CTNNA2: variants seen among roughly 807,000 people sequenced by gnomAD.
CTNNA2 encodes the protein catenin alpha 2.
In CTNNA2, 42 loss-of-function variants were observed where a neutral mutation model predicts 101.0. That is an observed-to-expected ratio of 0.42 (90% CI 0.32 to 0.54). The LOEUF is 0.54. Ranked by LOEUF, CTNNA2 falls within the 20% of genes least tolerant of loss-of-function variation. The pLI is 0.14. For synonymous variants in CTNNA2, 450 were observed against 456.4 expected, an observed-to-expected ratio of 0.99 and a Z score of 0.18; for missense variants, 871 against 1,223.1, an observed-to-expected ratio of 0.71 and a Z score of 4.29.
At chr2:79,528,725 C>G (rs1213113519) in intron 1 of CTNNA2, among the ~76,000 whole-genome samples, 1 of 152,076 alleles carries the variant, frequency 6.6e-6, no homozygotes, top group Non-Finnish European at 1.5e-5. Flanking sequence ...TACAATTGTA[C>G]TATGTTCATA....
chr2:79,520,525 A>G (rs1672047178), intron 1 of CTNNA2, among the ~76,000 whole-genome samples: 1 of 152,194 alleles, frequency 6.6e-6, no homozygotes, highest in Admixed American at 6.5e-5. Flanking sequence ...TCAAAGTTAA[A>G]GAAAGAAGTT....
chr2:79,398,399 C>T (rs2104478391), intron 4 of CTNNA2, among the ~76,000 whole-genome samples: 1 of 152,170 alleles, frequency 6.6e-6, no homozygotes, highest in East Asian at 1.9e-4. Context: ...TTCAGACAAA[C>T]TTTAAAAGTA....
At chr2:80,291,822 G>T (rs1018772209) in intron 7 of CTNNA2, among the ~76,000 whole-genome samples, 2 of 152,188 alleles carry the variant, frequency 1.3e-5, no homozygotes, top group African/African-American at 4.8e-5. Context: ...AGATGTGTGT[G>T]CACATGGCCA....
chr2:79,600,922 T>G (rs1677513393), intron 1 of CTNNA2, among the ~76,000 whole-genome samples: 2 of 152,108 alleles, frequency 1.3e-5, no homozygotes, highest in Non-Finnish European at 2.9e-5. Context: ...GGCTCTATCC[T>G]TATGATCTAA....
intron 9 of CTNNA2, among the ~76,000 whole-genome samples, chr2:80,508,681 A>G (rs1436305622): frequency 6.6e-6 from 1 of 152,066 alleles, no homozygotes; most frequent in African/African-American, 2.4e-5. Flanking sequence ...ATGCAAAAAA[A>G]AAAAAAAACA....
chr2:79,425,864 G>A (rs1382470269), intron 4 of CTNNA2, among the ~76,000 whole-genome samples: 2 of 152,046 alleles, frequency 1.3e-5, no homozygotes, highest in African/African-American at 2.4e-5. Context: ...TTTTTTGATA[G>A]TCTTCATCAT....
chr2:79,613,920 G>C (rs1427749282), intron 1 of CTNNA2, among the ~76,000 whole-genome samples: 1 of 152,124 alleles, frequency 6.6e-6, no homozygotes, highest in East Asian at 1.9e-4. Context: ...TTATAGTTGA[G>C]CAATGAAATA....
intron 7 of CTNNA2, among the ~76,000 whole-genome samples, chr2:80,297,425 A>G (rs1675844604): frequency 6.6e-6 from 1 of 152,172 alleles, no homozygotes; most frequent in South Asian, 2.1e-4. Context: ...ACTTATTGTG[A>G]TCTAGATAAA....
intron 1 of CTNNA2, among the ~76,000 whole-genome samples, chr2:79,556,196 A>T (rs939602098): frequency 6.6e-6 from 1 of 151,982 alleles, no homozygotes; most frequent in Admixed American, 6.6e-5. Context: ...ATAATGATAG[A>T]TTTATATTGA....
chr2:79,398,100 T>C (rs902760588), intron 4 of CTNNA2, among the ~76,000 whole-genome samples: 2 of 152,258 alleles, frequency 1.3e-5, no homozygotes, highest in South Asian at 4.1e-4. Flanking sequence ...GGTAGAAAGA[T>C]AATTCTCTAT....
intron 3 of CTNNA2, among the ~76,000 whole-genome samples, chr2:79,351,100 A>C (rs1389393524): frequency 2.0e-5 from 3 of 152,090 alleles, no homozygotes; most frequent in Non-Finnish European, 4.4e-5. Context: ...TTACTCTGCT[A>C]TTTCTTTTTC....
At position 80,109,506 on chromosome 2, in the gene CTNNA2, T is replaced by C. The variant is rs565580819; in HGVS notation, c.1056+199709T>C. 2.6e-5 allele frequency among the ~76,000 whole-genome samples: 4 copies of C among 152,160 alleles called. No homozygotes were observed. The South Asian group carries it at 8.3e-4, about 32-fold the overall frequency. ...AACAAACAAACAAGAACTTATTGAC[T>C]CCCAGGATAGCCTCTGTCATACAGA... On this transcript the variant is annotated intron_variant, in intron 7 of 18. Transcript: ENST00000402739.
At chr2:79,534,411 C>T (rs993379028) in intron 1 of CTNNA2, among the ~76,000 whole-genome samples, 4 of 152,098 alleles carry the variant, frequency 2.6e-5, no homozygotes, top group Non-Finnish European at 4.4e-5. Flanking sequence ...TTTGTTATAA[C>T]GCTAGGATAA....
At chr2:79,949,015 A>C (rs975788511) in intron 7 of CTNNA2, among the ~76,000 whole-genome samples, 3 of 152,112 alleles carry the variant, frequency 2.0e-5, no homozygotes, top group African/African-American at 7.2e-5. Flanking sequence ...ATAAATAAAT[A>C]AATTTAACCT....
At chr2:80,512,676 T>TC (rs1491539547) in intron 9 of CTNNA2, among the ~76,000 whole-genome samples, 7 of 49,396 alleles carry the variant, frequency 1.4e-4, no homozygotes, top group African/African-American at 7.7e-4. Flanking sequence ...ATTTTTAAAT[T>TC]CTTTTTTTTT....
intron 7 of CTNNA2, among the ~76,000 whole-genome samples, chr2:80,235,768 T>G (rs1335326262): frequency 6.6e-6 from 1 of 152,182 alleles, no homozygotes; most frequent in African/African-American, 2.4e-5. Flanking sequence ...GCACCATAAA[T>G]GCACATCAGT....
At chr2:80,327,922 T>C (rs1406469853) in intron 7 of CTNNA2, among the ~76,000 whole-genome samples, 1 of 152,140 alleles carries the variant, frequency 6.6e-6, no homozygotes, top group Non-Finnish European at 1.5e-5. Context: ...TTCCCTGCTT[T>C]ATATGTATAA....
chr2:80,463,389 G>A (rs899316676), intron 9 of CTNNA2, among the ~76,000 whole-genome samples: 2 of 152,158 alleles, frequency 1.3e-5, no homozygotes, highest in South Asian at 2.1e-4. Context: ...AGTTTTTCAA[G>A]TAGTTGAAAT....
At chr2:80,402,722 G>A (rs1324314225) in intron 8 of CTNNA2, among the ~76,000 whole-genome samples, 1 of 149,724 alleles carries the variant, frequency 6.7e-6, no homozygotes, top group Non-Finnish European at 1.5e-5. Context: ...GGAACCAGGG[G>A]CAATGGCAAA....
Sources: allele counts gnomAD v4.1 joint callset (sites outside exome capture counted in the v4.1 genomes callset), GRCh38; gene constraint gnomAD v4.1.1; transcripts MANE v1.5; gene names NCBI Gene and HGNC (gene_info 2026-07-23, HGNC 2026-07-21).